VWF: variants seen among roughly 807,000 people sequenced by gnomAD.
The protein encoded by VWF is Factor VIII related antigen.
In VWF, 176 loss-of-function variants were observed where a neutral mutation model predicts 308.6. The ratio of observed to expected loss-of-function variants is 0.57; its 90% confidence interval spans 0.50 to 0.65. VWF has a LOEUF of 0.65. Among genes scored for constraint, VWF ranks in the 30% least tolerant of loss-of-function variants. VWF has a pLI of 0.00. For synonymous variants in VWF, 1,385 were observed against 1,443.4 expected (o/e 0.96, Z 0.92); for missense variants, 3,146 against 3,648.2 (o/e 0.86, Z 3.55).
chr12:5,953,331 T>A (rs1017940638), intron 48 of VWF, among the ~76,000 whole-genome samples, 165 bp downstream of exon 48: 5 of 152,190 alleles, frequency 3.3e-5, no homozygotes, highest in Non-Finnish European at 7.3e-5. Context: ...GAGAAAATTC[T>A]GTGCCTGCAA....
intron 6 of VWF, among the ~76,000 whole-genome samples, chr12:6,094,915 A>C (rs1485468650): frequency 1.0e-3 from 123 of 117,454 alleles, no homozygotes; most frequent in African/African-American, 3.8e-3. Context: ...ACAGAGTCTC[A>C]CTCTGTCGCC....
At position 6,037,614 on chromosome 12, in the gene VWF, C is replaced by G. The variant is rs190912756; in HGVS notation, c.2443-1123G>C. On this transcript the variant is annotated intron_variant, in intron 18 of 51. Transcript: ENST00000261405. ...ATGCAGACACGCTTCTGTCCCGACT[C>G]CAAGGGGCAGCCCTGGGTGCCTGTC... Among the ~76,000 whole-genome samples the G allele has an allele frequency of 3.7e-4, 57 of 152,348 alleles. No homozygotes were observed. In the East Asian group the frequency reaches 0.01, roughly 27 times the overall value.
At position 6,025,590 on chromosome 12, in the gene VWF, C is replaced by A. The variant is rs267607315; in HGVS notation, c.3212G>T (p.Cys1071Phe). 6.8e-7 allele frequency: 1 copy of A among 1,468,784 alleles called. No homozygotes were observed. The highest frequency in any genetic ancestry group is 1.1e-5 in the South Asian group (1 of 87,886). The allele number at this position is 1,468,784 out of a possible 1,614,324, so 91.0% of individuals were successfully genotyped here. Reference protein sequence around the residue: ...RILTSDVFQDCNKLVDPEPYL... With the variant: ...RILTSDVFQDFNKLVDPEPYL... ...CCTCAAGGTCCTCACCAGCTTGTTG[C>A]AGTCCTGGAAGACGTCACTGGTAAG... The change falls in exon 24 of 52, where the codon TGC (cysteine) becomes TTC (phenylalanine). Residue 1071 changes from cysteine (C) to phenylalanine (F), a missense_variant. Cys to Phe is a radical substitution (Grantham distance 205). Around this residue, in one of 3 missense-constraint regions of VWF, gnomAD observed 853 missense variants for 1,177.8 expected, o/e 0.72. Coordinates refer to ENST00000261405, the MANE Select transcript of VWF (RefSeq NM_000552.5).
intron 7 of VWF, among the ~76,000 whole-genome samples, chr12:6,074,429 C>A (rs1944816522): frequency 6.6e-6 from 1 of 151,390 alleles, no homozygotes. Context: ...AAACTATTGC[C>A]CCTTAACCCT....
rs555366738 is a variant in VWF, at chr12:6,019,142, G to T, written c.4276C>A (p.Arg1426Ser). The part of the protein sequence containing the change: ...IGPHANLKQI[R>S]LIEKQAPENK... Reference sequence around the variant, plus strand: ...TCAGGGGCCTGCTTCTCGATGAGGCGGATCTGCTTGAGGTTGGCATGGGGC... The same window carrying T: ...TCAGGGGCCTGCTTCTCGATGAGGCTGATCTGCTTGAGGTTGGCATGGGGC... The change falls in exon 28 of 52, where the codon CGC (arginine) becomes AGC (serine). Residue 1426 changes from arginine to serine, a missense_variant. Physicochemically the swap from Arg to Ser is moderately radical, Grantham distance 110. Around this residue, in one of 3 missense-constraint regions of VWF, gnomAD observed 853 missense variants for 1,177.8 expected, o/e 0.72. Coordinates refer to ENST00000261405, the MANE Select transcript of VWF (RefSeq NM_000552.5). The surrounding 1 kb of genome is among the most constrained non-coding windows in gnomAD (Gnocchi z 5.8). The T allele has an allele frequency of 7.4e-6, 12 of 1,613,792 alleles. No homozygotes were observed. The East Asian group carries it at 2.2e-4, about 30-fold the overall frequency.
At chr12:6,045,783 G>A (rs1223535859) in intron 17 of VWF, among the ~76,000 whole-genome samples, 1 of 152,222 alleles carries the variant, frequency 6.6e-6, no homozygotes, top group East Asian at 1.9e-4. Context: ...ATTGAAGATA[G>A]CCATTTATCT....
chr12:6,043,003 C>G (rs1339024629), intron 18 of VWF, among the ~76,000 whole-genome samples: 1 of 152,174 alleles, frequency 6.6e-6, no homozygotes. Context: ...CCCCTGCCCT[C>G]TCCTATTTTT....
chr12:6,122,833 C>T lies in VWF; in HGVS notation c.55+309G>A, dbSNP rs758016279. 8 of 652,762 alleles carry T rather than the reference C, an allele frequency of 1.2e-5. No individual in the cohort carries two copies. The African/African-American group carries it at 1.2e-4, about 10-fold the overall frequency. The allele number at this position is 652,762 out of a possible 1,614,324, so 40.4% of individuals were successfully genotyped here. On this transcript the variant is annotated intron_variant, in intron 2 of 51. Coordinates refer to ENST00000261405, the MANE Select transcript of VWF (RefSeq NM_000552.5). ...AACAAGGTGACCTCCACAATCTTAT[C>T]GAAAACTAATAATCCATCCAAGTCT...
At chr12:6,068,134 CAAAAAAAAA>C (rs200782717) in intron 10 of VWF, among the ~76,000 whole-genome samples, 1 of 57,788 alleles carries the variant, frequency 1.7e-5, no homozygotes, top group African/African-American at 5.8e-5. Context: ...AACTCTGTCT[CAAAAAAAAA>C]AAAAAAAAAA....
intron 33 of VWF, 93 bp downstream of exon 33, chr12:6,011,994 A>G: frequency 6.7e-7 from 1 of 1,494,882 alleles, no homozygotes; most frequent in Non-Finnish European, 9.3e-7. Context: ...GAAGCACTGG[A>G]CTAAGACCAA....
Position 6,024,205 on chromosome 12 carries a change from G to C in VWF, c.3223-418C>G, listed in dbSNP as rs4021564. On this transcript the variant is annotated intron_variant, in intron 24 of 51. Coordinates refer to ENST00000261405, the MANE Select transcript of VWF (RefSeq NM_000552.5). The surrounding 1 kb of genome is among the most constrained non-coding windows in gnomAD (Gnocchi z 4.0). ...TCTTTCTTTGCCTCAATTCAGCAAA[G>C]AGAATGGGGAAATACATCAGGCCCT... Among the ~76,000 whole-genome samples, 5 of 152,206 alleles carry C rather than the reference G, an allele frequency of 3.3e-5. No individual in the cohort carries two copies. Among genetic ancestry groups the C allele is most frequent in the Non-Finnish European group, 7.3e-5 (5 of 68,036 alleles).
In VWF at chr12:6,050,394, G is replaced by C. The variant is rs548978230; in HGVS notation, c.2186+2149C>G. Among the ~76,000 whole-genome samples the C allele has an allele frequency of 5.9e-5, 9 of 152,232 alleles. No homozygotes were observed. The East Asian group carries it at 1.7e-3, about 29-fold the overall frequency. On this transcript the variant is annotated intron_variant, in intron 16 of 51. Transcript: ENST00000261405. Reference sequence around the variant, plus strand: ...ACATTTTCCTGCAGATGCTCTCCCTGCCATCATACCTCATGCAGCTCCCAA... The same window carrying C: ...ACATTTTCCTGCAGATGCTCTCCCTCCCATCATACCTCATGCAGCTCCCAA...
Position 6,095,529 on chromosome 12 carries a change from T to A in VWF, c.588A>T (p.Gly196=), listed in dbSNP as rs1591914828. The change falls in exon 6 of 52, where the codon GGA becomes GGT. Residue 196 remains glycine, a synonymous_variant. Transcript: ENST00000261405. ...DFANSWALSS[G]EQWCERASPP... is the part of the protein sequence containing the mutation. ...GAGATGCCCGTTCACACCACTGTTCTCCACTGCTCAGAGCCCATGAGTTGG... is the reference window on the plus strand; with the variant it reads ...GAGATGCCCGTTCACACCACTGTTCACCACTGCTCAGAGCCCATGAGTTGG... 1.7e-5 allele frequency: 27 copies of A among 1,614,136 alleles called. No homozygotes were observed. The East Asian group carries it at 6.0e-4, about 36-fold the overall frequency.
In VWF at chr12:6,092,616, A is replaced by AGTGAGAGAGAGAGAGAGAGAGTGT. The variant is rs796249343; in HGVS notation, c.657+2843_657+2844insACACTCTCTCTCTCTCTCTCTCAC. Among the ~76,000 whole-genome samples, 292 of 96,668 alleles carry AGTGAGAGAGAGAGAGAGAGAGTGT rather than the reference A, an allele frequency of 3.0e-3. 12 individuals are homozygous for AGTGAGAGAGAGAGAGAGAGAGTGT. Among genetic ancestry groups the AGTGAGAGAGAGAGAGAGAGAGTGT allele is most frequent in the Admixed American group, 2.8e-3 (30 of 10,566 alleles). The allele number at this position is 96,668 out of a possible 152,430, so 63.4% of individuals were successfully genotyped here. A position where few individuals can be genotyped will look rare whatever the true frequency, so the allele number is the denominator to read the frequency against. On this transcript the variant is annotated intron_variant, in intron 6 of 51. Coordinates refer to ENST00000261405, the MANE Select transcript of VWF (RefSeq NM_000552.5). Reference sequence around the variant, plus strand: ...TGCCCAGCTAGTTAGTGAGTGAGTGAGAGTGTGTGTGTGTGTGTGTGTGTG... The same window carrying AGTGAGAGAGAGAGAGAGAGAGTGT: ...TGCCCAGCTAGTTAGTGAGTGAGTGAGTGAGAGAGAGAGAGAGAGAGTGTGAGTGTGTGTGTGTGTGTGTGTGTG...
chr12:6,102,355 T>C (rs1024102014), intron 5 of VWF, among the ~76,000 whole-genome samples: 8 of 152,112 alleles, frequency 5.3e-5, no homozygotes, highest in African/African-American at 1.9e-4. Context: ...GGCAGGAGAA[T>C]AGCTTGAACC....
Position 6,085,339 on chromosome 12 carries a change from C to T in VWF, c.658-9788G>A, listed in dbSNP as rs116447984. ...GCGCTATCACTTACCATTCACTTGG[C>T]GATTTGTCATTTACTAACCCCAGAC... On this transcript the variant is annotated intron_variant, in intron 6 of 51. Coordinates refer to ENST00000261405, the MANE Select transcript of VWF (RefSeq NM_000552.5). Among the ~76,000 whole-genome samples the T allele has an allele frequency of 1.5e-3, 231 of 152,302 alleles. 2 individuals are homozygous for T. The highest frequency in any genetic ancestry group is 5.3e-3 in the African/African-American group (221 of 41,576).
intron 6 of VWF, among the ~76,000 whole-genome samples, chr12:6,091,132 T>C (rs1221319405): frequency 6.6e-6 from 1 of 152,210 alleles, no homozygotes; most frequent in Non-Finnish European, 1.5e-5. Context: ...AGATTGTCTG[T>C]TCACAATTTA....
At chr12:6,074,695 T>A (rs897300050) in intron 7 of VWF, among the ~76,000 whole-genome samples, 6 of 152,040 alleles carry the variant, frequency 3.9e-5, no homozygotes, top group Admixed American at 6.6e-5. Context: ...TCCGTCTGCA[T>A]GGCTTTTAAT....
At chr12:6,117,465 C>T (rs1232807454) in intron 3 of VWF, among the ~76,000 whole-genome samples, 2 of 152,206 alleles carry the variant, frequency 1.3e-5, no homozygotes, top group Non-Finnish European at 2.9e-5. Context: ...AAGTGAACAC[C>T]CCATGTTAAG....
Sources: gnomAD v4.1 joint callset for allele counts (sites outside exome capture counted in the v4.1 genomes callset) on GRCh38, gnomAD v4.1.1 for gene constraint, gnomAD v4.1.1 regional missense constraint, Gnocchi (gnomAD v3.1) non-coding constraint, MANE v1.5 for transcripts, NCBI Gene and HGNC (gene_info 2026-07-23, HGNC 2026-07-21) for gene names.